Variants in HPGD observed in about 807,000 individuals in gnomAD.
The protein encoded by HPGD is 15-hydroxyprostaglandin dehydrogenase, also known as 15-hydroxyprostaglandin dehydrogenase [NAD(+)].
A neutral mutation model predicts 30.0 loss-of-function variants in HPGD; 29 were observed. That is an observed-to-expected ratio of 0.97 (90% CI 0.72 to 1.32). The LOEUF is 1.32. Among genes scored for constraint, HPGD ranks in the 40% most tolerant of loss-of-function variants. The probability of loss-of-function intolerance (pLI) is 0.00; values close to 1 mark genes in which losing one functional copy is unlikely to be tolerated. For synonymous variants in HPGD, 99 were observed against 112.4 expected (o/e 0.88, Z 0.75); for missense variants, 340 against 322.1 (o/e 1.06, Z -0.43).
In HPGD at chr4:174,493,285, C is replaced by G; in HGVS notation, c.528G>C (p.Val176=). 6.2e-7 allele frequency: 1 copy of G among 1,613,198 alleles called. No individual in the cohort carries two copies. The highest frequency in any genetic ancestry group is 8.5e-7 in the Non-Finnish European group (1 of 1,179,336). ...AGCCTGGACAAATGGCATTCAGTCT[C>G]ACACCACTGTTCATAAGATTAGCAG... ...ALAANLMNSG[V]RLNAICPGFV... Residue 176 remains valine, a synonymous_variant, in exon 6 of 7, where the codon GTG becomes GTC. Transcript: ENST00000296522.
chr4:174,508,043 A>T, intron 4 of HPGD: 2 of 688,048 alleles, frequency 2.9e-6, no homozygotes, highest in South Asian at 1.5e-5. Context: ...AAGAGTAGCC[A>T]TGCCTCCTCC....
chr4:174,493,434 G>A, intron 5 of HPGD, 120 bp from the exon 6 acceptor site: 1 of 885,656 alleles, frequency 1.1e-6, no homozygotes, highest in Admixed American at 1.9e-5. Context: ...TATCCTCCCA[G>A]CTATGTAACA....
intron 3 of HPGD, among the ~76,000 whole-genome samples, chr4:174,509,978 G>T (rs1735397784): frequency 6.8e-6 from 1 of 147,954 alleles, no homozygotes; most frequent in African/African-American, 2.5e-5. Context: ...TTTTCCTTTT[G>T]GATTTAAGAA....
chr4:174,501,160 C>A (rs969907986), intron 4 of HPGD, among the ~76,000 whole-genome samples: 4 of 152,068 alleles, frequency 2.6e-5, no homozygotes. Flanking sequence ...AATGGGAGGA[C>A]CCCTGTTGCA....
At chr4:174,511,740 G>A (rs950719593) in intron 3 of HPGD, among the ~76,000 whole-genome samples, 25 of 152,098 alleles carry the variant, frequency 1.6e-4, no homozygotes, top group Non-Finnish European at 2.9e-4. Flanking sequence ...TCCGCCTCCC[G>A]GGTTCACGCC....
chr4:174,503,934 T>C (rs1426783418), intron 4 of HPGD, among the ~76,000 whole-genome samples: 1 of 152,112 alleles, frequency 6.6e-6, no homozygotes, highest in Non-Finnish European at 1.5e-5. Flanking sequence ...CTGTTGCCCA[T>C]GCTGGTCTCT....
At chr4:174,512,109 T>C (rs180795367) in intron 3 of HPGD, among the ~76,000 whole-genome samples, 3 of 152,012 alleles carry the variant, frequency 2.0e-5, no homozygotes, top group African/African-American at 7.3e-5. Context: ...AGGAGTAAAT[T>C]TGATAAGGAG....
intron 4 of HPGD, chr4:174,508,061 T>A (rs1735274313): frequency 1.4e-6 from 1 of 694,364 alleles, no homozygotes; most frequent in African/African-American, 1.8e-5. Flanking sequence ...TCCATGTTCT[T>A]CTTCTCTTTC....
At chr4:174,505,888 T>C (rs2555628) in intron 4 of HPGD, among the ~76,000 whole-genome samples, 8,492 of 152,176 alleles carry the variant, frequency 0.056, 817 homozygotes, top group African/African-American at 0.19. Context: ...GCCTTGTACA[T>C]GTGGAGGAAA....
At chr4:174,495,402 T>C in intron 5 of HPGD, 146 bp downstream of exon 5, 1 of 682,688 alleles carries the variant, frequency 1.5e-6, no homozygotes, top group East Asian at 2.7e-5. Flanking sequence ...TTATGTGATC[T>C]GATAACTTTT....
At chr4:174,493,715 C>A (rs1012173769) in intron 5 of HPGD, among the ~76,000 whole-genome samples, 1 of 152,186 alleles carries the variant, frequency 6.6e-6, no homozygotes, top group Admixed American at 6.5e-5. Context: ...ATGTTTAGAA[C>A]TTTGATTCTA....
rs1734482919 is a variant in HPGD at position 174,494,381 on chromosome 4, TTGTAAGTGACTTCA to T, written c.499-1081_499-1068del. Among the ~76,000 whole-genome samples, 1 of 152,172 alleles carries T rather than the reference TTGTAAGTGACTTCA, an allele frequency of 6.6e-6. No homozygotes were observed. The highest frequency in any genetic ancestry group is 1.5e-5 in the Non-Finnish European group (1 of 68,024). On this transcript the variant is annotated intron_variant, in intron 5 of 6. Coordinates refer to ENST00000296522, the MANE Select transcript of HPGD (RefSeq NM_000860.6). This position sits in a 1 kb window ranked among gnomAD's most constrained non-coding sequence, Gnocchi z 4.9. Reference sequence around the variant, plus strand: ...GGTTCAGTAGTCACTAATGTAGTGTTTGTAAGTGACTTCATGGAACATAACCACCATGCATACTG... The same window carrying T: ...GGTTCAGTAGTCACTAATGTAGTGTTTGGAACATAACCACCATGCATACTG...
At chr4:174,506,427 T>G (rs1052081972) in intron 4 of HPGD, among the ~76,000 whole-genome samples, 17 of 152,314 alleles carry the variant, frequency 1.1e-4, no homozygotes, top group African/African-American at 3.1e-4. Flanking sequence ...ACAGGTAGAT[T>G]AACAAATAAA....
chr4:174,510,285 C>T (rs1735418007), intron 3 of HPGD, among the ~76,000 whole-genome samples: 1 of 152,084 alleles, frequency 6.6e-6, no homozygotes, highest in Admixed American at 6.5e-5. Context: ...AGTAAGTAGG[C>T]TTAGGGAGAA....
chr4:174,522,772 T>C (rs1736232084), upstream of HPGD: 3 of 272,612 alleles, frequency 1.1e-5, no homozygotes, highest in Non-Finnish European at 2.0e-5. Flanking sequence ...TGAAGAAGAG[T>C]TTCCTTCAGT....
chr4:174,495,215 G>A (rs569945553), intron 5 of HPGD: 6 of 338,926 alleles, frequency 1.8e-5, no homozygotes, highest in South Asian at 1.1e-4. Flanking sequence ...ATAATGGCTG[G>A]GGCCTATTGC....
At chr4:174,500,227 T>G (rs923964053) in intron 4 of HPGD, among the ~76,000 whole-genome samples, 3 of 152,174 alleles carry the variant, frequency 2.0e-5, no homozygotes, top group African/African-American at 7.2e-5. Context: ...CTACACACAT[T>G]AGAATGGCTA....
intron 4 of HPGD, chr4:174,507,364 G>A (rs1735239887): frequency 6.6e-6 from 1 of 152,082 alleles, no homozygotes; most frequent in African/African-American, 2.4e-5. Flanking sequence ...GTCTATTTTT[G>A]AGAACTTCTA....
chr4:174,498,974 G>A (rs949066369), intron 4 of HPGD, among the ~76,000 whole-genome samples: 3 of 152,124 alleles, frequency 2.0e-5, no homozygotes, highest in African/African-American at 4.8e-5. Flanking sequence ...ATTTTCTACT[G>A]CATCTGATTC....
Sources: allele counts gnomAD v4.1 joint callset (sites outside exome capture counted in the v4.1 genomes callset), GRCh38; gene constraint gnomAD v4.1.1; non-coding constraint Gnocchi (gnomAD v3.1); transcripts MANE v1.5; gene names NCBI Gene and HGNC (gene_info 2026-07-23, HGNC 2026-07-21).